The following RBFOX1 variants were observed in gnomAD, a reference collection of about 807,000 sequenced individuals.
The protein encoded by RBFOX1 is RNA binding protein fox-1 homolog 1.
A neutral mutation model predicts 57.7 loss-of-function variants in RBFOX1; 8 were observed. The ratio of observed to expected loss-of-function variants is 0.14; its 90% CI spans 0.08 to 0.25. RBFOX1 has a LOEUF of 0.25. RBFOX1 is among the 10% of genes least tolerant of loss of function. RBFOX1 has a pLI of 1.00. For missense variants in RBFOX1, 611 were observed against 548.5 expected, an observed-to-expected ratio of 1.11 and a Z score of -1.14; for synonymous variants, 326 against 222.4, an observed-to-expected ratio of 1.47 and a Z score of -4.15.
intron 2 of RBFOX1, among the ~76,000 whole-genome samples, chr16:6,536,409 A>G (rs563268139): frequency 6.6e-6 from 1 of 152,280 alleles, no homozygotes; most frequent in South Asian, 2.1e-4. Context: ...TCTGTCCCCT[A>G]TTGTCCTCCC....
At chr16:7,523,072 A>T (rs1447073424) in intron 5 of RBFOX1, among the ~76,000 whole-genome samples, 1 of 152,126 alleles carries the variant, frequency 6.6e-6, no homozygotes, top group Non-Finnish European at 1.5e-5. Flanking sequence ...AGAATTTTAT[A>T]TCAGTAACCT....
intron 2 of RBFOX1, among the ~76,000 whole-genome samples, chr16:6,532,761 G>T (rs1201775749): frequency 6.6e-6 from 1 of 152,104 alleles, no homozygotes; most frequent in Non-Finnish European, 1.5e-5. Flanking sequence ...GTCTTTTTAG[G>T]GCATTTACCG....
chr16:5,956,836 A>ATT (rs200469523), intron 4 of RBFOX1, among the ~76,000 whole-genome samples: 15 of 138,582 alleles, frequency 1.1e-4, no homozygotes, highest in Middle Eastern at 3.8e-3. Flanking sequence ...TGCCTGGCTA[A>ATT]TTTTTTTTTT....
intron 1 of RBFOX1, among the ~76,000 whole-genome samples, chr16:5,249,219 G>A (rs1204090353): frequency 6.6e-6 from 1 of 152,148 alleles, no homozygotes; most frequent in Non-Finnish European, 1.5e-5. Flanking sequence ...GTACGCAGGG[G>A]CTCTGTGTGG....
chr16:6,026,658 A>G (rs954247371), intron 1 of RBFOX1, among the ~76,000 whole-genome samples: 1 of 152,228 alleles, frequency 6.6e-6, no homozygotes, highest in Non-Finnish European at 1.5e-5. Context: ...ACTTGTTTCT[A>G]TTTATTGCAG....
chr16:5,949,942 G>C (rs984115361), intron 4 of RBFOX1, among the ~76,000 whole-genome samples: 5 of 152,204 alleles, frequency 3.3e-5, no homozygotes, highest in African/African-American at 4.8e-5. Context: ...TGGCCCCCCA[G>C]ATGAGATTCA....
At chr16:7,127,956 G>C (rs1017246539) in intron 4 of RBFOX1, among the ~76,000 whole-genome samples, 2 of 152,188 alleles carry the variant, frequency 1.3e-5, no homozygotes, top group East Asian at 1.9e-4. Context: ...CAACTGCAAA[G>C]GTCCGAAAGA....
At chr16:6,882,165 G>C (rs1454017454) in intron 3 of RBFOX1, among the ~76,000 whole-genome samples, 3 of 152,056 alleles carry the variant, frequency 2.0e-5, no homozygotes, top group East Asian at 1.9e-4. Context: ...CATTAATTCT[G>C]TCTCTAGCTT....
intron 3 of RBFOX1, among the ~76,000 whole-genome samples, chr16:6,931,045 G>T (rs2076423390): frequency 6.6e-6 from 1 of 151,618 alleles, no homozygotes; most frequent in East Asian, 1.9e-4. Flanking sequence ...AGGTTTTGTT[G>T]GTTTGTTTTT....
chr16:5,548,628 T>A, intron 2 of RBFOX1, among the ~76,000 whole-genome samples: 1 of 151,826 alleles, frequency 6.6e-6, no homozygotes, highest in Non-Finnish European at 1.5e-5. Flanking sequence ...CATAAATATA[T>A]ACACCAACTA....
chr16:6,725,093 C>G (rs1248365471), intron 3 of RBFOX1, among the ~76,000 whole-genome samples: 1 of 127,256 alleles, frequency 7.9e-6, no homozygotes, highest in Non-Finnish European at 1.6e-5. Context: ...CTCTGTCGCC[C>G]TTGCTGGAGT....
rs2079666652 is a variant in RBFOX1 at position 6,307,554 on chromosome 16, A to G, written c.-126-9441A>G. 3.4e-5 allele frequency among the ~76,000 whole-genome samples: 5 copies of G among 148,974 alleles called. No individual in the cohort carries two copies. In the South Asian group the frequency reaches 1.0e-3, roughly 31 times the overall value. ...ATCATTTAATATATTAAGTCATTAT[A>G]TAATATCATTTAATAATATATAATA... is the stretch of plus-strand genomic sequence containing the variant. On this transcript the variant is annotated intron_variant, in intron 1 of 15. Transcript: ENST00000550418.
Position 5,946,553 on chromosome 16 carries a change from A to ATT in RBFOX1, c.351+79224_351+79225dup, listed in dbSNP as rs34449218. Among the ~76,000 whole-genome samples, 75 of 151,834 alleles carry ATT rather than the reference A, an allele frequency of 4.9e-4. No individual in the cohort carries two copies. The South Asian group carries it at 5.8e-3, about 12-fold the overall frequency. ...CTTCCCCGTATCTCACTCTATGCATATTTTTTTCCAACTGGGTGTTCCTGA... is the reference window on the plus strand; with the variant it reads ...CTTCCCCGTATCTCACTCTATGCATATTTTTTTTTCCAACTGGGTGTTCCTGA... On this transcript the variant is annotated intron_variant, in intron 4 of 19. Transcript: ENST00000641259. This position sits in a 1 kb window ranked among gnomAD's most constrained non-coding sequence, Gnocchi z 4.6.
At chr16:7,029,078 A>ATATG (rs2041949819) in intron 3 of RBFOX1, among the ~76,000 whole-genome samples, 6 of 39,592 alleles carry the variant, frequency 1.5e-4, no homozygotes, top group Non-Finnish European at 2.2e-4. Flanking sequence ...ATATATATAT[A>ATATG]TATACACACA....
chr16:7,622,580 T>G (rs1482992357), intron 10 of RBFOX1, among the ~76,000 whole-genome samples: 2 of 151,884 alleles, frequency 1.3e-5, no homozygotes, highest in Non-Finnish European at 2.9e-5. Context: ...TCAAGTTATG[T>G]CAAAATAAAA....
At chr16:7,271,268 T>G (rs1385349848) in intron 4 of RBFOX1, among the ~76,000 whole-genome samples, 1 of 152,208 alleles carries the variant, frequency 6.6e-6, no homozygotes, top group Non-Finnish European at 1.5e-5. Context: ...CTGTCCTTTT[T>G]GTATGTGAGA....
At chr16:7,492,307 G>A (rs1345185766) in intron 4 of RBFOX1, among the ~76,000 whole-genome samples, 1 of 152,058 alleles carries the variant, frequency 6.6e-6, no homozygotes, top group South Asian at 2.1e-4. Flanking sequence ...TTCTGTCCTT[G>A]GTGCTGAAAA....
At chr16:5,488,908 G>A (rs972686954) in intron 2 of RBFOX1, among the ~76,000 whole-genome samples, 8 of 152,204 alleles carry the variant, frequency 5.3e-5, no homozygotes, top group Non-Finnish European at 1.2e-4. Context: ...TGATACAATA[G>A]CTAAAACTTG....
chr16:5,279,913 T>C (rs1467310880), intron 1 of RBFOX1, among the ~76,000 whole-genome samples: 1 of 152,250 alleles, frequency 6.6e-6, no homozygotes, highest in Non-Finnish European at 1.5e-5. Flanking sequence ...CTTGTCCAGT[T>C]TGGATGCCTT....
Sources: gnomAD v4.1 joint callset for allele counts (sites outside exome capture counted in the v4.1 genomes callset) on GRCh38, gnomAD v4.1.1 for gene constraint, Gnocchi (gnomAD v3.1) non-coding constraint, MANE v1.5 for transcripts, NCBI Gene and HGNC (gene_info 2026-07-23, HGNC 2026-07-21) for gene names.